BBX: variants seen among roughly 807,000 people sequenced by gnomAD.
BBX encodes HMG box transcription factor BBX.
BBX carries 30 observed loss-of-function variants against 100.2 expected under a neutral mutation model. That is an observed-to-expected ratio of 0.30 (90% CI 0.22 to 0.41). The LOEUF (loss-of-function observed/expected upper bound fraction) is 0.41. Ranked by LOEUF, BBX falls within the 10% of genes least tolerant of loss-of-function variation. BBX has a pLI of 1.00. For missense variants in BBX, 1,023 were observed against 1,129.8 expected, an observed-to-expected ratio of 0.91 and a Z score of 1.35; for synonymous variants, 376 against 388.1, an observed-to-expected ratio of 0.97 and a Z score of 0.37.
chr3:107,650,533 G>A (rs912869810), intron 3 of BBX, among the ~76,000 whole-genome samples: 2 of 152,028 alleles, frequency 1.3e-5, no homozygotes, highest in African/African-American at 4.8e-5. Flanking sequence ...GTACAACATA[G>A]TAATATCTTT....
intron 4 of BBX, among the ~76,000 whole-genome samples, chr3:107,714,090 C>G (rs1450177243): frequency 6.7e-6 from 1 of 150,374 alleles, no homozygotes; most frequent in Non-Finnish European, 1.5e-5. Context: ...ATTCTCCTGC[C>G]TCAGCCTCCA....
chr3:107,663,826 G>T lies in BBX; in HGVS notation c.-10+17917G>T, dbSNP rs568676158. Among the ~76,000 whole-genome samples the T allele has an allele frequency of 2.4e-3, 336 of 139,270 alleles. 2 individuals are homozygous for T. Among genetic ancestry groups the T allele is most frequent in the African/African-American group, 8.7e-3 (324 of 37,256 alleles). The allele number at this position is 139,270 out of a possible 152,430, so 91.4% of individuals were successfully genotyped here. A position where few individuals can be genotyped will look rare whatever the true frequency, so the allele number is the denominator to read the frequency against. ...CTTTTTTTTCCTTTTTTTTTTTTGA[G>T]ATGGAGCCTCACGCTCTCGCCCAGG... On this transcript the variant is annotated intron_variant, in intron 3 of 17. Transcript: ENST00000325805.
chr3:107,638,385 A>G (rs1417236857), intron 2 of BBX: 1 of 152,126 alleles, frequency 6.6e-6, no homozygotes, highest in Non-Finnish European at 1.5e-5. Context: ...ACTAATTGCT[A>G]TGTGATGTTA....
intron 2 of BBX, among the ~76,000 whole-genome samples, chr3:107,611,037 T>G (rs1448349514): frequency 1.3e-5 from 2 of 152,130 alleles, no homozygotes; most frequent in East Asian, 3.8e-4. Flanking sequence ...TTTTTAGATT[T>G]GAGGTTACCA....
intron 10 of BBX, among the ~76,000 whole-genome samples, chr3:107,759,050 C>T (rs2065698813): frequency 6.6e-6 from 1 of 152,068 alleles, no homozygotes; most frequent in Non-Finnish European, 1.5e-5. Flanking sequence ...TACTGCTGTG[C>T]CCTGTACCCA....
rs1423935119 is a variant in BBX, at chr3:107,798,711, G to A, written c.2542G>A (p.Gly848Ser). Reference sequence around the variant, plus strand: ...AGATGGCCGGGTATCACCAGCAGGAGGTACTTTGGGTAAGAAGAGAGAGCT... The same window carrying A: ...AGATGGCCGGGTATCACCAGCAGGAAGTACTTTGGGTAAGAAGAGAGAGCT... ...TADGRVSPAG[G>S]TLDDKPKEQL... The change falls in exon 16 of 18, where the codon GGT (glycine) becomes AGT (serine). Residue 848 changes from glycine to serine, a missense_variant. By Grantham distance (56) the Gly-to-Ser change is moderately conservative. Transcript: ENST00000325805. 6.2e-7 allele frequency: 1 copy of A among 1,613,698 alleles called. No individual in the cohort carries two copies. Among genetic ancestry groups the A allele is most frequent in the African/African-American group, 1.3e-5 (1 of 74,818 alleles).
intron 3 of BBX, among the ~76,000 whole-genome samples, chr3:107,706,861 G>A (rs1282752318): frequency 6.6e-6 from 1 of 151,928 alleles, no homozygotes; most frequent in African/African-American, 2.4e-5. Context: ...TGCTTTCTTT[G>A]CCCTTGTCTT....
intron 7 of BBX, among the ~76,000 whole-genome samples, chr3:107,741,245 A>T (rs962878319): frequency 1.3e-5 from 2 of 152,136 alleles, no homozygotes; most frequent in Middle Eastern, 3.4e-3. Context: ...AATGCATGTA[A>T]CTGGCTTGAT....
intron 3 of BBX, among the ~76,000 whole-genome samples, chr3:107,668,877 A>G (rs908455821): frequency 2.0e-5 from 3 of 152,114 alleles, no homozygotes; most frequent in Admixed American, 2.0e-4. Context: ...TGTACTTACT[A>G]TGGTTGACAA....
intron 3 of BBX, 57 bp from the exon 4 acceptor site, chr3:107,710,395 C>A: frequency 7.2e-7 from 1 of 1,382,462 alleles, no homozygotes. Context: ...TGATTTATCT[C>A]GGTGTCTCTC....
At chr3:107,575,932 A>C (rs2051739637) in intron 2 of BBX, among the ~76,000 whole-genome samples, 1 of 152,160 alleles carries the variant, frequency 6.6e-6, no homozygotes, top group Admixed American at 6.5e-5. Flanking sequence ...GCATTTTATG[A>C]GGCTGAGGCA....
chr3:107,698,250 C>T (rs541217946), intron 3 of BBX, among the ~76,000 whole-genome samples: 17 of 151,754 alleles, frequency 1.1e-4, no homozygotes, highest in South Asian at 1.0e-3. Context: ...ACTAAAACAA[C>T]GACTAAGTCA....
chr3:107,720,900 A>G (rs988381841), intron 5 of BBX, among the ~76,000 whole-genome samples: 4 of 152,048 alleles, frequency 2.6e-5, no homozygotes, highest in Non-Finnish European at 5.9e-5. Flanking sequence ...ACTCTTTTCC[A>G]AAGAAAATAC....
intron 7 of BBX, among the ~76,000 whole-genome samples, chr3:107,740,820 T>G (rs983381606): frequency 6.6e-6 from 1 of 151,816 alleles, no homozygotes. Context: ...GAGTGAAGGC[T>G]GCCTCTCCGT....
chr3:107,560,318 A>T (rs373333039), intron 2 of BBX, among the ~76,000 whole-genome samples: 2 of 152,180 alleles, frequency 1.3e-5, no homozygotes, highest in Non-Finnish European at 2.9e-5. Flanking sequence ...TTTCCAAAAA[A>T]AAAGTAATTA....
At chr3:107,548,618 AC>A (rs1338410257) in intron 2 of BBX, among the ~76,000 whole-genome samples, 1 of 152,160 alleles carries the variant, frequency 6.6e-6, no homozygotes, top group Non-Finnish European at 1.5e-5. Flanking sequence ...CTACCATTTG[AC>A]CCAGCAGTCT....
chr3:107,740,082 G>A (rs2063953012), intron 7 of BBX, among the ~76,000 whole-genome samples: 1 of 151,878 alleles, frequency 6.6e-6, no homozygotes, highest in Admixed American at 6.6e-5. Flanking sequence ...TCTGCTTGTG[G>A]GAGAGCTCAA....
At chr3:107,761,810 C>T (rs758391280) in intron 10 of BBX, among the ~76,000 whole-genome samples, 4 of 152,146 alleles carry the variant, frequency 2.6e-5, no homozygotes, top group Non-Finnish European at 4.4e-5. Flanking sequence ...AGAGCACAGA[C>T]GACAGAGGCA....
chr3:107,738,138 C>T (rs2107567656), intron 7 of BBX, among the ~76,000 whole-genome samples: 1 of 151,886 alleles, frequency 6.6e-6, no homozygotes. Context: ...GGAAGTCCTT[C>T]ATGATTTCTT....
Sources: allele counts gnomAD v4.1 joint callset (sites outside exome capture counted in the v4.1 genomes callset), GRCh38; gene constraint gnomAD v4.1.1; transcripts MANE v1.5; gene names NCBI Gene and HGNC (gene_info 2026-07-23, HGNC 2026-07-21).